The following ADGRL4 variants were observed in gnomAD, a reference collection of about 807,000 sequenced individuals.
ADGRL4 encodes adhesion G protein-coupled receptor L4.
A neutral mutation model predicts 74.8 loss-of-function variants in ADGRL4; 90 were observed. That is an observed-to-expected ratio of 1.20 (90% CI 1.02 to 1.43). The LOEUF is 1.43. ADGRL4 is among the 40% of genes most tolerant of loss of function. ADGRL4 has a pLI of 0.00. For synonymous variants in ADGRL4, 311 were observed against 279.2 expected, an observed-to-expected ratio of 1.11 and a Z score of -1.14; for missense variants, 881 against 814.3, an observed-to-expected ratio of 1.08 and a Z score of -1.00.
chr1:78,926,894 G>C lies in ADGRL4; in HGVS notation c.1075C>G (p.His359Asp), dbSNP rs750623920. Reference sequence around the variant, plus strand: ...CCAGAAAAACAGCTTACCTTTCGATGACTTAATGTAAATGTTATTTTTTCA... The same window carrying C: ...CCAGAAAAACAGCTTACCTTTCGATCACTTAATGTAAATGTTATTTTTTCA... ...ELEKITFTLSHRKVTDRYRSL... is the reference protein window; with the variant it reads ...ELEKITFTLSDRKVTDRYRSL... The change falls in exon 8 of 15, where the codon CAT becomes GAT. Residue 359 changes from histidine to aspartate, a missense_variant. His to Asp is a moderately conservative substitution (Grantham distance 81, BLOSUM62 -1). Transcript: ENST00000370742. 7 of 1,610,012 alleles carry C rather than the reference G, an allele frequency of 4.3e-6. No individual in the cohort carries two copies. The Admixed American group carries it at 1.0e-4, about 23-fold the overall frequency.
rs771220617 is a variant in ADGRL4, at chr1:78,918,021, T to C, written c.1491A>G (p.Leu497=). The change falls in exon 11 of 15, where the codon CTA becomes CTG. Residue 497 remains leucine (L), a synonymous_variant. Coordinates refer to ENST00000370742, the MANE Select transcript of ADGRL4 (RefSeq NM_022159.4). ...CAAAAGCAGCTAAAAAGAAGTAGTG[T>C]AGCAGTCCGGCAATGATTGAACAGA... is the stretch of plus-strand genomic sequence containing the variant. ...KLFCSIIAGL[L]HYFFLAAFAW... is the part of the protein sequence containing the mutation. 2.4e-5 allele frequency: 39 copies of C among 1,610,578 alleles called. No homozygotes were observed. Among genetic ancestry groups the C allele is most frequent in the African/African-American group, 1.3e-5 (1 of 74,324 alleles).
chr1:78,916,428 G>T (rs1648874514), intron 12 of ADGRL4, among the ~76,000 whole-genome samples: 1 of 151,810 alleles, frequency 6.6e-6, no homozygotes, highest in Non-Finnish European at 1.5e-5. Flanking sequence ...ATATGCGAGT[G>T]GGACACCATT....
At chr1:78,954,964 T>C (rs972778005) in intron 2 of ADGRL4, among the ~76,000 whole-genome samples, 1 of 152,078 alleles carries the variant, frequency 6.6e-6, no homozygotes, top group Non-Finnish European at 1.5e-5. Flanking sequence ...GGGGAAAAGT[T>C]TTTTCAATGT....
chr1:78,954,712 A>G (rs1029571544), intron 2 of ADGRL4, among the ~76,000 whole-genome samples: 4 of 152,180 alleles, frequency 2.6e-5, no homozygotes, highest in African/African-American at 9.6e-5. Flanking sequence ...AGCACATTAT[A>G]TCACTAAAAG....
At chr1:78,977,048 T>C (rs1251912087) in intron 2 of ADGRL4, among the ~76,000 whole-genome samples, 3 of 151,654 alleles carry the variant, frequency 2.0e-5, no homozygotes, top group Non-Finnish European at 4.4e-5. Context: ...AATCCAACTA[T>C]ACATACAAAG....
At chr1:78,988,941 C>A (rs1390678597) in intron 2 of ADGRL4, among the ~76,000 whole-genome samples, 1 of 151,748 alleles carries the variant, frequency 6.6e-6, no homozygotes. Flanking sequence ...AAGTATTCTG[C>A]AAGTCTTTTT....
At chr1:78,930,738 C>G (rs533845720) in intron 7 of ADGRL4, among the ~76,000 whole-genome samples, 25 of 151,296 alleles carry the variant, frequency 1.7e-4, no homozygotes, top group Non-Finnish European at 3.4e-4. Context: ...CGCGAGCCAC[C>G]GTGCTTGGTC....
At chr1:78,903,834 G>A (rs1648568805) in intron 12 of ADGRL4, among the ~76,000 whole-genome samples, 1 of 151,884 alleles carries the variant, frequency 6.6e-6, no homozygotes, top group Non-Finnish European at 1.5e-5. Context: ...TACTCAGGAG[G>A]CTGAGGCAGG....
At chr1:78,893,286 C>G (rs1466745791) in intron 12 of ADGRL4, 97 bp from the exon 13 acceptor site, 2 of 790,998 alleles carry the variant, frequency 2.5e-6, no homozygotes, top group Non-Finnish European at 4.1e-6. Flanking sequence ...AAGATAGAAA[C>G]TAAAAATCAT....
intron 12 of ADGRL4, among the ~76,000 whole-genome samples, chr1:78,907,266 T>C (rs1030831984): frequency 1.3e-5 from 2 of 152,080 alleles, no homozygotes; most frequent in African/African-American, 2.4e-5. Context: ...TATAATTTTC[T>C]GAAATTTTTT....
Position 78,927,109 on chromosome 1 carries a change from ATATT to A in ADGRL4, c.878-22_878-19del, listed in dbSNP as rs1302734130. The stretch of plus-strand genomic sequence containing the variant: ...AACATTGCCTATCAATCAAATAAGT[ATATT>A]TAGTGAAATTCTTATAAAACAAAGT... On this transcript the variant is annotated intron_variant, in intron 7 of 14. Transcript: ENST00000370742. 2.0e-6 allele frequency: 3 copies of A among 1,470,620 alleles called. No individual in the cohort carries two copies. The African/African-American group carries it at 4.2e-5, about 21-fold the overall frequency. 91.1% of individuals were successfully genotyped at this position (1,470,620 alleles called of 1,614,324 possible).
chr1:78,906,203 A>G (rs1648630593), intron 12 of ADGRL4, among the ~76,000 whole-genome samples: 1 of 152,056 alleles, frequency 6.6e-6, no homozygotes, highest in South Asian at 2.1e-4. Context: ...CTATTAGGAA[A>G]TTAATCCTCA....
At chr1:78,992,594 T>C (rs1650629043) in intron 2 of ADGRL4, among the ~76,000 whole-genome samples, 1 of 152,080 alleles carries the variant, frequency 6.6e-6, no homozygotes, top group Admixed American at 6.6e-5. Flanking sequence ...CTTATCCTAC[T>C]CACAACTACA....
At chr1:78,943,411 A>C (rs1270196005) in intron 3 of ADGRL4, among the ~76,000 whole-genome samples, 1 of 152,218 alleles carries the variant, frequency 6.6e-6, no homozygotes, top group Non-Finnish European at 1.5e-5. Context: ...TTCAAAGAGG[A>C]GGAGAAATAT....
At chr1:78,976,626 T>A (rs1650287549) in intron 2 of ADGRL4, among the ~76,000 whole-genome samples, 1 of 151,632 alleles carries the variant, frequency 6.6e-6, no homozygotes, top group South Asian at 2.1e-4. Flanking sequence ...ATGGAAAAAC[T>A]TAAAATATTT....
chr1:78,906,474 A>C (rs372463735), intron 12 of ADGRL4, among the ~76,000 whole-genome samples: 3 of 151,994 alleles, frequency 2.0e-5, no homozygotes, highest in Non-Finnish European at 1.5e-5. Flanking sequence ...AGTGAGCTAC[A>C]TGGGTTTATC....
chr1:78,923,127 C>A (rs1039347462), intron 8 of ADGRL4, among the ~76,000 whole-genome samples: 4 of 151,832 alleles, frequency 2.6e-5, no homozygotes, highest in African/African-American at 9.7e-5. Flanking sequence ...AACTGAAATT[C>A]TTTTAGTTCC....
chr1:78,915,306 G>T (rs931166489), intron 12 of ADGRL4, among the ~76,000 whole-genome samples: 2 of 151,956 alleles, frequency 1.3e-5, no homozygotes, highest in Middle Eastern at 3.4e-3. Context: ...GGGATATATG[G>T]CAAACTCTCA....
At chr1:78,960,548 G>C (rs1416600974) in intron 2 of ADGRL4, among the ~76,000 whole-genome samples, 1 of 152,106 alleles carries the variant, frequency 6.6e-6, no homozygotes, top group East Asian at 1.9e-4. Flanking sequence ...GGAGTTACGA[G>C]GAAATTGGAT....
Sources: gnomAD v4.1 joint callset for allele counts (sites outside exome capture counted in the v4.1 genomes callset) on GRCh38, gnomAD v4.1.1 for gene constraint, MANE v1.5 for transcripts, NCBI Gene and HGNC (gene_info 2026-07-23, HGNC 2026-07-21) for gene names.